NRXN3: variants seen among roughly 807,000 people sequenced by gnomAD.
NRXN3 encodes the protein neurexin 3.
Under a neutral mutation model 137.6 loss-of-function variants are expected in NRXN3, and 32 were observed. The observed-to-expected ratio is 0.23, with a 90% confidence interval of 0.18 to 0.31. NRXN3 has a LOEUF of 0.31. Among genes scored for constraint, NRXN3 ranks in the 10% least tolerant of loss-of-function variants. The probability of loss-of-function intolerance (pLI) is 1.00; values close to 1 mark genes in which losing one functional copy is unlikely to be tolerated. For synonymous variants in NRXN3, 798 were observed against 784.5 expected (o/e 1.02, Z -0.29); for missense variants, 1,574 against 2,062.5 (o/e 0.76, Z 4.59).
intron 14 of NRXN3, among the ~76,000 whole-genome samples, chr14:78,976,269 C>A (rs2153031814): frequency 6.6e-6 from 1 of 152,248 alleles, no homozygotes; most frequent in Admixed American, 6.5e-5. Context: ...ATTATAACTT[C>A]TCTTAGCAGG....
intron 15 of NRXN3, among the ~76,000 whole-genome samples, chr14:78,993,535 T>C (rs536595531): frequency 6.9e-4 from 105 of 152,298 alleles, no homozygotes; most frequent in African/African-American, 1.6e-3. Flanking sequence ...GAATAGGCCA[T>C]ATGTAAGAAG....
At chr14:79,691,402 C>CA (rs2098716009) in intron 17 of NRXN3, among the ~76,000 whole-genome samples, 1 of 151,910 alleles carries the variant, frequency 6.6e-6, no homozygotes, top group Admixed American at 6.6e-5. Context: ...GCTAAATATA[C>CA]AAAATCAGTG....
intron 16 of NRXN3, among the ~76,000 whole-genome samples, chr14:79,601,536 G>A (rs1882316171): frequency 1.3e-5 from 2 of 152,048 alleles, no homozygotes; most frequent in Admixed American, 6.5e-5. Context: ...AAGGTACTAC[G>A]TTCCTTTATC....
intron 1 of NRXN3, among the ~76,000 whole-genome samples, chr14:78,223,013 T>C (rs1290909857): frequency 2.6e-5 from 4 of 152,222 alleles, no homozygotes; most frequent in African/African-American, 9.6e-5. Context: ...TTTGGTAATG[T>C]CACTCAACAA....
chr14:79,366,679 T>C (rs2093905961), intron 15 of NRXN3, among the ~76,000 whole-genome samples: 1 of 152,202 alleles, frequency 6.6e-6, no homozygotes, highest in African/African-American at 2.4e-5. Flanking sequence ...CATTCATTAA[T>C]TATTACAATA....
chr14:79,821,264 TTTAC>T (rs1263782409), intron 20 of NRXN3, among the ~76,000 whole-genome samples: 1 of 152,124 alleles, frequency 6.6e-6, no homozygotes, highest in Non-Finnish European at 1.5e-5. Flanking sequence ...AGTTGGTTTG[TTTAC>T]TTGTTTGTTT....
chr14:79,284,376 ATATATATATG>A (rs1290697228), intron 15 of NRXN3, among the ~76,000 whole-genome samples: 2 of 123,674 alleles, frequency 1.6e-5, no homozygotes, highest in African/African-American at 3.6e-5. Flanking sequence ...ATATATATAT[ATATATATATG>A]TATCTCCAAT....
chr14:78,726,959 T>TAAAAA (rs55802240), intron 8 of NRXN3, among the ~76,000 whole-genome samples: 55,817 of 119,754 alleles, frequency 0.47, 14,446 homozygotes, highest in Non-Finnish European at 0.61. Flanking sequence ...ATTTATTCAC[T>TAAAAA]AAAAAAAAAA....
chr14:78,880,197 G>A (rs1383278467), intron 10 of NRXN3, among the ~76,000 whole-genome samples: 2 of 121,398 alleles, frequency 1.6e-5, no homozygotes, highest in South Asian at 2.4e-4. Context: ...CCGAGATCCC[G>A]CCACTGCACT....
At chr14:79,667,546 CTCTT>C (rs1212064429) in intron 17 of NRXN3, among the ~76,000 whole-genome samples, 16 of 151,870 alleles carry the variant, frequency 1.1e-4, no homozygotes, top group African/African-American at 3.6e-4. Context: ...GTAGCACTGG[CTCTT>C]TCTTTGTGAA....
chr14:78,890,218 C>G (rs2099155075), intron 10 of NRXN3, among the ~76,000 whole-genome samples: 1 of 151,784 alleles, frequency 6.6e-6, no homozygotes, highest in Admixed American at 6.6e-5. Flanking sequence ...CAACAAGGAA[C>G]AGGATAATCT....
intron 6 of NRXN3, among the ~76,000 whole-genome samples, chr14:78,702,818 A>C (rs1294303295): frequency 6.6e-6 from 1 of 152,176 alleles, no homozygotes; most frequent in African/African-American, 2.4e-5. Flanking sequence ...TAAATAACAA[A>C]ATTAATAGTG....
At chr14:78,917,250 T>C (rs2099257822) in intron 10 of NRXN3, among the ~76,000 whole-genome samples, 1 of 152,092 alleles carries the variant, frequency 6.6e-6, no homozygotes, top group Admixed American at 6.5e-5. Context: ...ATGAAGGTCA[T>C]GATATAAAAC....
chr14:78,534,105 A>G (rs1331964197), intron 4 of NRXN3, among the ~76,000 whole-genome samples: 1 of 152,178 alleles, frequency 6.6e-6, no homozygotes, highest in African/African-American at 2.4e-5. Flanking sequence ...TTTGCAGCCT[A>G]TTTGCCCCAA....
chr14:78,610,376 A>G (rs1399888988), intron 4 of NRXN3, among the ~76,000 whole-genome samples: 1 of 152,178 alleles, frequency 6.6e-6, no homozygotes, highest in South Asian at 2.1e-4. Flanking sequence ...GATCTGGCCA[A>G]CCAGGCTCCT....
intron 5 of NRXN3, among the ~76,000 whole-genome samples, chr14:78,648,139 T>A (rs77021380): frequency 0.095 from 14,414 of 152,282 alleles, 900 homozygotes; most frequent in Middle Eastern, 0.16. Context: ...AAGGAAGGAA[T>A]GTGGACTACC....
At chr14:78,511,710 C>T (rs190620613) in intron 4 of NRXN3, among the ~76,000 whole-genome samples, 1 of 152,230 alleles carries the variant, frequency 6.6e-6, no homozygotes, top group Non-Finnish European at 1.5e-5. Flanking sequence ...AAGGTAAAAT[C>T]GACAGATTTC....
At chr14:79,212,451 T>C (rs2153225910) in intron 15 of NRXN3, among the ~76,000 whole-genome samples, 1 of 152,262 alleles carries the variant, frequency 6.6e-6, no homozygotes, top group East Asian at 1.9e-4. Flanking sequence ...ACAGGAAAGA[T>C]GGATGAAGGT....
intron 15 of NRXN3, among the ~76,000 whole-genome samples, chr14:79,309,871 A>G (rs1159495650): frequency 8.3e-6 from 1 of 121,000 alleles, no homozygotes; most frequent in East Asian, 2.6e-4. Context: ...ATTTTCTCCC[A>G]TGTTGTAGGT....
Sources: gnomAD v4.1 joint callset for allele counts (sites outside exome capture counted in the v4.1 genomes callset) on GRCh38, gnomAD v4.1.1 for gene constraint, MANE v1.5 for transcripts, NCBI Gene and HGNC (gene_info 2026-07-23, HGNC 2026-07-21) for gene names.